The following DISC1 variants were observed in gnomAD, a reference collection of about 807,000 sequenced individuals.
The protein encoded by DISC1 is DISC1 scaffold protein.
Under a neutral mutation model 84.5 loss-of-function variants are expected in DISC1, and 57 were observed. The ratio of observed to expected loss-of-function variants is 0.67; its 90% CI spans 0.55 to 0.84. DISC1 has a LOEUF of 0.84. DISC1 is among the 40% of genes least tolerant of loss of function. DISC1 has a pLI of 0.00. For missense variants in DISC1, 1,000 were observed against 1,057.8 expected, an observed-to-expected ratio of 0.95 and a Z score of 0.76; for synonymous variants, 411 against 415.2, an observed-to-expected ratio of 0.99 and a Z score of 0.12.
intron 1 of DISC1, among the ~76,000 whole-genome samples, chr1:231,628,317 G>C (rs1429791600): frequency 1.3e-5 from 2 of 152,160 alleles, no homozygotes; most frequent in African/African-American, 4.8e-5. Flanking sequence ...AAGAAAAATG[G>C]GGGTAGTAAT....
chr1:231,659,125 T>C (rs1427061979), intron 1 of DISC1, among the ~76,000 whole-genome samples: 1 of 152,166 alleles, frequency 6.6e-6, no homozygotes, highest in African/African-American at 2.4e-5. Flanking sequence ...TTTTTTTGGT[T>C]GGTAAGCTAT....
intron 6 of DISC1, among the ~76,000 whole-genome samples, chr1:231,780,211 C>T (rs1573758634): frequency 8.8e-6 from 1 of 113,530 alleles, no homozygotes; most frequent in Non-Finnish European, 1.7e-5. Flanking sequence ...ACAATGTGCA[C>T]ATGTACCCTA....
intron 6 of DISC1, among the ~76,000 whole-genome samples, chr1:231,773,948 A>C (rs1467920015): frequency 6.6e-6 from 1 of 151,570 alleles, no homozygotes; most frequent in African/African-American, 2.4e-5. Flanking sequence ...TGAAGGCTTC[A>C]TGTAGGAGGA....
In DISC1 at chr1:231,677,372, A is replaced by T. The variant is rs142759121; in HGVS notation, c.68-16454A>T. Among the ~76,000 whole-genome samples, 98 of 152,364 alleles carry T rather than the reference A, an allele frequency of 6.4e-4. 1 individual carries two copies. The highest frequency in any genetic ancestry group is 2.3e-3 in the African/African-American group (96 of 41,576). On this transcript the variant is annotated intron_variant, in intron 1 of 12. Coordinates refer to ENST00000439617, the MANE Select transcript of DISC1 (RefSeq NM_018662.3). Reference sequence around the variant, plus strand: ...CTCCCACAAAGAAGGAAAAAGGGAGAAAATTCGTAGCTCTTCTCTCTTTTT... The same window carrying T: ...CTCCCACAAAGAAGGAAAAAGGGAGTAAATTCGTAGCTCTTCTCTCTTTTT...
In DISC1 at chr1:231,861,481, T is replaced by G. The variant is rs1243173111; in HGVS notation, c.1981+42964T>G. ...TTTTTTTTTTTTTTTTTTTTTTGGTTGTTGTGGTTTTGGAAGTTTTTTCTC... is the reference window on the plus strand; with the variant it reads ...TTTTTTTTTTTTTTTTTTTTTTGGTGGTTGTGGTTTTGGAAGTTTTTTCTC... On this transcript the variant is annotated intron_variant, in intron 9 of 12. Transcript: ENST00000439617. Among the ~76,000 whole-genome samples the G allele has an allele frequency of 4.1e-5, 6 of 146,022 alleles. No homozygotes were observed. In the Admixed American group the frequency reaches 4.1e-4, roughly 10 times the overall value.
chr1:231,664,518 A>G (rs1037765078), intron 1 of DISC1, among the ~76,000 whole-genome samples: 13 of 152,182 alleles, frequency 8.5e-5, no homozygotes, highest in South Asian at 2.1e-4. Context: ...TGTGAACCCA[A>G]TGTAATCATA....
At chr1:231,834,552 C>A (rs1488646795) in intron 9 of DISC1, among the ~76,000 whole-genome samples, 2 of 152,112 alleles carry the variant, frequency 1.3e-5, no homozygotes, top group Non-Finnish European at 2.9e-5. Flanking sequence ...TATTTGGAAC[C>A]ACTGTCGAGT....
chr1:232,023,248 T>C (rs1039284950), intron 11 of DISC1, among the ~76,000 whole-genome samples: 1 of 152,194 alleles, frequency 6.6e-6, no homozygotes, highest in Non-Finnish European at 1.5e-5. Flanking sequence ...TAAATGCTCT[T>C]TTATTAAAAA....
intron 1 of DISC1, among the ~76,000 whole-genome samples, chr1:231,668,579 C>T (rs1361210514): frequency 1.3e-5 from 2 of 152,120 alleles, no homozygotes; most frequent in East Asian, 3.9e-4. Flanking sequence ...CAATTTGCTG[C>T]TAGTGCATCT....
chr1:231,709,597 T>G (rs1168267945), intron 3 of DISC1, among the ~76,000 whole-genome samples: 1 of 152,084 alleles, frequency 6.6e-6, no homozygotes, highest in Non-Finnish European at 1.5e-5. Context: ...AATGTTGTCA[T>G]GGTGCATTAT....
At chr1:231,753,917 G>A (rs924306439) in intron 4 of DISC1, among the ~76,000 whole-genome samples, 1 of 152,140 alleles carries the variant, frequency 6.6e-6, no homozygotes, top group Admixed American at 6.5e-5. Context: ...TAGGGCAGGG[G>A]CACAATGCAG....
At chr1:231,886,244 C>T (rs1191933220) in intron 9 of DISC1, among the ~76,000 whole-genome samples, 1 of 152,188 alleles carries the variant, frequency 6.6e-6, no homozygotes, top group East Asian at 1.9e-4. Flanking sequence ...GAAACCATAG[C>T]ACTCCCCTAT....
At chr1:231,651,003 T>C (rs1264667382) in intron 1 of DISC1, among the ~76,000 whole-genome samples, 2 of 152,202 alleles carry the variant, frequency 1.3e-5, no homozygotes, top group African/African-American at 4.8e-5. Flanking sequence ...AGCAATGGGT[T>C]CAAATGTCCT....
chr1:231,983,378 A>G (rs1378571686), intron 10 of DISC1, among the ~76,000 whole-genome samples: 1 of 151,074 alleles, frequency 6.6e-6, no homozygotes, highest in Non-Finnish European at 1.5e-5. Context: ...TGAGTGCTGG[A>G]GAAGCCACTG....
intron 4 of DISC1, among the ~76,000 whole-genome samples, chr1:231,751,931 T>G (rs2074643176): frequency 6.6e-6 from 1 of 152,236 alleles, no homozygotes; most frequent in African/African-American, 2.4e-5. Flanking sequence ...TATATTGATA[T>G]CTACATGTAT....
At chr1:231,676,060 G>C (rs1355477811) in intron 1 of DISC1, among the ~76,000 whole-genome samples, 1 of 152,064 alleles carries the variant, frequency 6.6e-6, no homozygotes, top group East Asian at 1.9e-4. Context: ...TGTTGGTCAG[G>C]CCGGTCTCAA....
chr1:231,885,560 G>A (rs1391175727), intron 9 of DISC1, among the ~76,000 whole-genome samples: 1 of 152,170 alleles, frequency 6.6e-6, no homozygotes, highest in African/African-American at 2.4e-5. Flanking sequence ...GAAGATCATA[G>A]GATTAAATCC....
chr1:231,723,791 A>T (rs1388045872), intron 3 of DISC1: 1 of 985,252 alleles, frequency 1.0e-6, no homozygotes, highest in Non-Finnish European at 1.2e-6. Context: ...CCGATGTTTC[A>T]TTCTCTCCCT....
chr1:231,961,741 T>C (rs1476679441), intron 10 of DISC1, among the ~76,000 whole-genome samples: 2 of 152,252 alleles, frequency 1.3e-5, no homozygotes, highest in African/African-American at 2.4e-5. Context: ...TAGTACTCTG[T>C]GGTATAAATG....
Sources: allele counts gnomAD v4.1 joint callset (sites outside exome capture counted in the v4.1 genomes callset), GRCh38; gene constraint gnomAD v4.1.1; transcripts MANE v1.5; gene names NCBI Gene and HGNC (gene_info 2026-07-23, HGNC 2026-07-21).